Variants in DNM3 observed in about 807,000 individuals in gnomAD.
The protein encoded by DNM3 is dynamin 3.
In DNM3, 47 loss-of-function variants were observed where a neutral mutation model predicts 101.6. The observed-to-expected ratio is 0.46, with a 90% CI of 0.37 to 0.59. The LOEUF is 0.59. Among genes scored for constraint, DNM3 ranks in the 20% least tolerant of loss-of-function variants. The pLI, the probability that DNM3 is intolerant of heterozygous loss-of-function variation, is 0.00. For missense variants in DNM3, 849 were observed against 1,085.7 expected (o/e 0.78, Z 3.06); for synonymous variants, 385 against 387.9 (o/e 0.99, Z 0.09).
At chr1:171,944,994 G>T (rs540807166) in intron 2 of DNM3, among the ~76,000 whole-genome samples, 1 of 150,104 alleles carries the variant, frequency 6.7e-6, no homozygotes, top group African/African-American at 2.5e-5. Context: ...CTCCCAAGTA[G>T]CTGGAACCAT....
At chr1:172,237,931 C>A (rs996193027) in intron 14 of DNM3, among the ~76,000 whole-genome samples, 2 of 152,148 alleles carry the variant, frequency 1.3e-5, no homozygotes, top group South Asian at 2.1e-4. Flanking sequence ...TACTGGGTGA[C>A]CCCACCAGTC....
intron 1 of DNM3, among the ~76,000 whole-genome samples, chr1:171,847,351 A>G (rs954575602): frequency 6.6e-6 from 1 of 152,214 alleles, no homozygotes; most frequent in Non-Finnish European, 1.5e-5. Context: ...ATGCATTTCC[A>G]GTGTCATCTG....
chr1:172,013,679 G>C (rs959447526), intron 4 of DNM3, among the ~76,000 whole-genome samples: 3 of 151,956 alleles, frequency 2.0e-5, no homozygotes, highest in Non-Finnish European at 4.4e-5. Flanking sequence ...AAATTTTGAA[G>C]GATAGGTAGG....
At chr1:172,347,924 G>C (rs2067020531) in intron 17 of DNM3, among the ~76,000 whole-genome samples, 1 of 152,056 alleles carries the variant, frequency 6.6e-6, no homozygotes, top group African/African-American at 2.4e-5. Context: ...TCAATGGTAT[G>C]CATGAATTGG....
chr1:172,156,895 C>A (rs926057412), intron 14 of DNM3, among the ~76,000 whole-genome samples: 1 of 152,014 alleles, frequency 6.6e-6, no homozygotes, highest in Non-Finnish European at 1.5e-5. Context: ...GTAGTTAATT[C>A]ACTCTGTGTT....
intron 15 of DNM3, among the ~76,000 whole-genome samples, chr1:172,306,320 A>T (rs1385573064): frequency 1.3e-5 from 2 of 152,348 alleles, no homozygotes; most frequent in East Asian, 3.9e-4. Flanking sequence ...CCAGCTTACA[A>T]GGCATGTGAA....
chr1:171,847,772 T>C (rs1416278064), intron 1 of DNM3, among the ~76,000 whole-genome samples: 1 of 152,066 alleles, frequency 6.6e-6, no homozygotes, highest in Admixed American at 6.6e-5. Context: ...TGGAATGAAT[T>C]GTTTAGAATG....
intron 11 of DNM3, among the ~76,000 whole-genome samples, chr1:172,072,456 G>A (rs2052275484): frequency 6.6e-6 from 1 of 152,060 alleles, no homozygotes; most frequent in East Asian, 1.9e-4. Context: ...GCAAGAATTG[G>A]TCAGATGACT....
chr1:171,850,163 G>A (rs2032757110), intron 1 of DNM3, among the ~76,000 whole-genome samples: 1 of 152,170 alleles, frequency 6.6e-6, no homozygotes, highest in African/African-American at 2.4e-5. Flanking sequence ...CAAGTGTTCA[G>A]GAGGTAAGGT....
chr1:172,307,117 C>A (rs769296573), intron 15 of DNM3, among the ~76,000 whole-genome samples: 1 of 152,262 alleles, frequency 6.6e-6, no homozygotes, highest in East Asian at 1.9e-4. Flanking sequence ...AAAAATTTTG[C>A]ATTCTACCCA....
At chr1:172,001,704 G>C (rs2046367118) in intron 4 of DNM3, among the ~76,000 whole-genome samples, 1 of 152,054 alleles carries the variant, frequency 6.6e-6, no homozygotes, top group Non-Finnish European at 1.5e-5. Context: ...GGCTGGGAAA[G>C]AGGGCACCAT....
intron 11 of DNM3, among the ~76,000 whole-genome samples, chr1:172,074,468 C>T (rs760327171): frequency 2.0e-5 from 3 of 152,022 alleles, no homozygotes; most frequent in Non-Finnish European, 2.9e-5. Flanking sequence ...CTCCCCTAGC[C>T]CCCCACCCCC....
At chr1:172,157,332 A>T (rs1472392849) in intron 14 of DNM3, among the ~76,000 whole-genome samples, 4 of 152,076 alleles carry the variant, frequency 2.6e-5, no homozygotes, top group Non-Finnish European at 4.4e-5. Context: ...TCAGGTGGTA[A>T]TTCAAGTGAT....
chr1:172,131,065 C>T, intron 13 of DNM3, 110 bp from the exon 14 acceptor site: 1 of 906,906 alleles, frequency 1.1e-6, no homozygotes, highest in Non-Finnish European at 1.7e-6. Context: ...AGGGAAAATA[C>T]TATTTTTATT....
chr1:172,036,316 C>T (rs1416453212), intron 6 of DNM3, among the ~76,000 whole-genome samples: 7 of 151,488 alleles, frequency 4.6e-5, no homozygotes, highest in Non-Finnish European at 8.8e-5. Context: ...TCATCCATGT[C>T]CCTACAAAGG....
At chr1:172,338,789 A>T in intron 17 of DNM3, 1 of 482,648 alleles carries the variant, frequency 2.1e-6, no homozygotes, top group Non-Finnish European at 4.2e-6. Context: ...TAGCTCTGAA[A>T]ACTTTCAGGG....
chr1:172,197,518 T>C (rs1399863137), intron 14 of DNM3, among the ~76,000 whole-genome samples: 1 of 152,148 alleles, frequency 6.6e-6, no homozygotes, highest in African/African-American at 2.4e-5. Flanking sequence ...ATTTTAATGA[T>C]ATCAATTCTT....
chr1:172,219,243 T>C (rs1399779317), intron 14 of DNM3, among the ~76,000 whole-genome samples: 1 of 151,762 alleles, frequency 6.6e-6, no homozygotes, highest in Non-Finnish European at 1.5e-5. Flanking sequence ...GCACCCCTGG[T>C]CCCAGCTGTT....
intron 20 of DNM3, among the ~76,000 whole-genome samples, chr1:172,404,515 C>G (rs2070740662): frequency 6.6e-6 from 1 of 152,042 alleles, no homozygotes; most frequent in Non-Finnish European, 1.5e-5. Context: ...CTTGTCCCAG[C>G]CACATGGTCC....
Sources: allele counts gnomAD v4.1 joint callset (sites outside exome capture counted in the v4.1 genomes callset), GRCh38; gene constraint gnomAD v4.1.1; transcripts MANE v1.5; gene names NCBI Gene and HGNC (gene_info 2026-07-23, HGNC 2026-07-21).